Variants in ANXA10 observed in about 807,000 individuals in gnomAD.
The protein encoded by ANXA10 is annexin A10, also known as annexin 14.
Under a neutral mutation model 53.5 loss-of-function variants are expected in ANXA10, and 49 were observed. The ratio of observed to expected loss-of-function variants is 0.92; its 90% CI spans 0.73 to 1.16. ANXA10 has a LOEUF of 1.16. Ranked by LOEUF, ANXA10 falls within the 50% of genes most tolerant of loss-of-function variation. The probability of loss-of-function intolerance (pLI) is 0.00; values close to 1 mark genes in which losing one functional copy is unlikely to be tolerated. For missense variants in ANXA10, 393 were observed against 394.4 expected (o/e 1.00, Z 0.03); for synonymous variants, 131 against 128.9 (o/e 1.02, Z -0.11).
At chr4:168,118,986 G>A (rs1357736155) in intron 1 of ANXA10, among the ~76,000 whole-genome samples, 1 of 152,038 alleles carries the variant, frequency 6.6e-6, no homozygotes, top group Non-Finnish European at 1.5e-5. Context: ...AATCAAAGAT[G>A]ACAAAAACTC....
intron 3 of ANXA10, among the ~76,000 whole-genome samples, chr4:168,141,930 C>G (rs1345462130): frequency 6.6e-6 from 1 of 152,094 alleles, no homozygotes; most frequent in African/African-American, 2.4e-5. Flanking sequence ...AGTGCGCATG[C>G]GTGGGCCAGG....
chr4:168,136,412 A>G (rs1731237786), intron 2 of ANXA10, among the ~76,000 whole-genome samples: 1 of 152,180 alleles, frequency 6.6e-6, no homozygotes, highest in Non-Finnish European at 1.5e-5. Context: ...AAAACAAGTT[A>G]GTTACTTCCA....
At chr4:168,114,509 T>G (rs1263287891) in intron 1 of ANXA10, among the ~76,000 whole-genome samples, 1 of 152,210 alleles carries the variant, frequency 6.6e-6, no homozygotes, top group African/African-American at 2.4e-5. Context: ...TCCCCTCTTG[T>G]TTTTTTAGCA....
At chr4:168,109,728 G>C (rs2149466002) in intron 1 of ANXA10, among the ~76,000 whole-genome samples, 1 of 152,188 alleles carries the variant, frequency 6.6e-6, no homozygotes, top group Admixed American at 6.5e-5. Flanking sequence ...ATCAATATTT[G>C]CTGAATCATC....
intron 2 of ANXA10, among the ~76,000 whole-genome samples, chr4:168,132,073 C>CA (rs916227284): frequency 3.7e-4 from 57 of 152,004 alleles, no homozygotes; most frequent in African/African-American, 1.3e-3. Context: ...AAAGGTTCCT[C>CA]AAAAAAATTA....
chr4:168,161,921 T>C (rs1032476110), intron 3 of ANXA10, among the ~76,000 whole-genome samples: 1 of 152,186 alleles, frequency 6.6e-6, no homozygotes. Context: ...CACTTTACAT[T>C]TGTAAAATAA....
intron 2 of ANXA10, among the ~76,000 whole-genome samples, chr4:168,134,535 GAAAGT>G (rs1253643781): frequency 6.6e-6 from 1 of 152,100 alleles, no homozygotes; most frequent in African/African-American, 2.4e-5. Flanking sequence ...ATAAGACAAA[GAAAGT>G]AATTTTAAAA....
intron 1 of ANXA10, among the ~76,000 whole-genome samples, chr4:168,102,762 T>A (rs866408084): frequency 6.6e-6 from 1 of 152,098 alleles, no homozygotes; most frequent in Middle Eastern, 3.2e-3. Flanking sequence ...ATGTTTCCAT[T>A]TCTTTTGCGT....
At chr4:168,159,408 G>A (rs1465251238) in intron 3 of ANXA10, among the ~76,000 whole-genome samples, 1 of 152,106 alleles carries the variant, frequency 6.6e-6, no homozygotes, top group Non-Finnish European at 1.5e-5. Flanking sequence ...GCCAGATAAG[G>A]TAAATTGAGA....
intron 1 of ANXA10, among the ~76,000 whole-genome samples, chr4:168,100,811 T>C (rs1730627026): frequency 6.6e-6 from 1 of 152,092 alleles, no homozygotes; most frequent in Non-Finnish European, 1.5e-5. Flanking sequence ...GAAAAAGTTG[T>C]CAAAATAATT....
intron 2 of ANXA10, among the ~76,000 whole-genome samples, chr4:168,134,133 AC>A (rs1388055830): frequency 1.3e-5 from 2 of 152,108 alleles, no homozygotes; most frequent in Non-Finnish European, 2.9e-5. Context: ...AGGAAATAAA[AC>A]AAAAATAACA....
At chr4:168,147,040 A>T (rs996696756) in intron 3 of ANXA10, among the ~76,000 whole-genome samples, 5 of 152,176 alleles carry the variant, frequency 3.3e-5, no homozygotes, top group Non-Finnish European at 7.3e-5. Flanking sequence ...AGGGCAACAG[A>T]TTGAGGTCCC....
At chr4:168,095,792 G>T (rs10213303) in intron 1 of ANXA10, among the ~76,000 whole-genome samples, 105,923 of 151,904 alleles carry the variant, frequency 0.7, 38,275 homozygotes, top group African/African-American at 0.89. Flanking sequence ...GACAGATACA[G>T]AGGATTCTGT....
At chr4:168,133,188 T>G (rs1170000750) in intron 2 of ANXA10, among the ~76,000 whole-genome samples, 2 of 152,088 alleles carry the variant, frequency 1.3e-5, no homozygotes, top group Non-Finnish European at 2.9e-5. Flanking sequence ...CCTAGTGTGT[T>G]CCTACGCACA....
intron 9 of ANXA10, among the ~76,000 whole-genome samples, chr4:168,179,998 A>G (rs1288612862): frequency 6.6e-6 from 1 of 152,208 alleles, no homozygotes; most frequent in African/African-American, 2.4e-5. Context: ...AAATATCTCC[A>G]TCGAAGGCGT....
At chr4:168,126,444 T>G (rs939751117) in intron 1 of ANXA10, among the ~76,000 whole-genome samples, 2 of 152,200 alleles carry the variant, frequency 1.3e-5, no homozygotes, top group Non-Finnish European at 2.9e-5. Context: ...CCACTGGAAC[T>G]CAAATCAAAT....
At chr4:168,112,141 CA>C (rs1730818251) in intron 1 of ANXA10, among the ~76,000 whole-genome samples, 1 of 151,968 alleles carries the variant, frequency 6.6e-6, no homozygotes, top group African/African-American at 2.4e-5. Context: ...TAAAAACACA[CA>C]AAAATTAGCC....
At chr4:168,129,100 A>C (rs6810929) in intron 2 of ANXA10, among the ~76,000 whole-genome samples, 99,790 of 151,904 alleles carry the variant, frequency 0.66, 33,927 homozygotes, top group African/African-American at 0.82. Flanking sequence ...GCATGCAAAA[A>C]CTTTCATAAG....
Position 168,167,940 on chromosome 4 carries a change from T to C in ANXA10, c.480+2614T>C, listed in dbSNP as rs115916642. 5.0e-3 allele frequency among the ~76,000 whole-genome samples: 764 copies of C among 152,330 alleles called. 6 individuals are homozygous for C. Among genetic ancestry groups the C allele is most frequent in the African/African-American group, 0.018 (733 of 41,568 alleles). On this transcript the variant is annotated intron_variant, in intron 6 of 11. Coordinates refer to ENST00000359299, the MANE Select transcript of ANXA10 (RefSeq NM_007193.5). The stretch of plus-strand genomic sequence containing the variant: ...CTCAGCTTACATTGCTTGGAATCAG[T>C]AAGTGGTTTCTCTTTGTAACTCTTC...
Sources: allele counts gnomAD v4.1 joint callset (sites outside exome capture counted in the v4.1 genomes callset), GRCh38; gene constraint gnomAD v4.1.1; transcripts MANE v1.5; gene names NCBI Gene and HGNC (gene_info 2026-07-23, HGNC 2026-07-21).